Variants in MBOAT1 observed in about 807,000 individuals in gnomAD.
MBOAT1 encodes the protein membrane-bound glycerophospholipid O-acyltransferase 1.
In MBOAT1, 67 loss-of-function variants were observed where a neutral mutation model predicts 64.4. The ratio of observed to expected loss-of-function variants is 1.04; its 90% CI spans 0.85 to 1.27. The LOEUF (loss-of-function observed/expected upper bound fraction) is 1.27, where lower values mean the gene tolerates loss of function less well. MBOAT1 is among the 50% of genes most tolerant of loss of function. The probability of loss-of-function intolerance (pLI) is 0.00; values close to 1 mark genes in which losing one functional copy is unlikely to be tolerated. For missense variants in MBOAT1, 563 were observed against 604.6 expected, an observed-to-expected ratio of 0.93 and a Z score of 0.72; for synonymous variants, 229 against 218.9, an observed-to-expected ratio of 1.05 and a Z score of -0.41.
At chr6:20,145,145 T>C (rs1761294362) in intron 3 of MBOAT1, among the ~76,000 whole-genome samples, 1 of 152,108 alleles carries the variant, frequency 6.6e-6, no homozygotes, top group South Asian at 2.1e-4. Flanking sequence ...CATTAGGAGG[T>C]GGGACCTTTG....
chr6:20,144,468 A>G (rs901335853), intron 3 of MBOAT1, among the ~76,000 whole-genome samples, 153 bp from the exon 4 acceptor site: 4 of 151,642 alleles, frequency 2.6e-5, no homozygotes, highest in Admixed American at 2.6e-4. Flanking sequence ...TCCACCCACT[A>G]CTCTAGCTGA....
chr6:20,116,977 T>G (rs1760339531), intron 9 of MBOAT1, among the ~76,000 whole-genome samples: 1 of 152,166 alleles, frequency 6.6e-6, no homozygotes, highest in Admixed American at 6.5e-5. Flanking sequence ...CATAACACAC[T>G]TGAACTCTCT....
At chr6:20,143,646 C>T (rs2184336) in intron 4 of MBOAT1, among the ~76,000 whole-genome samples, 33,173 of 152,016 alleles carry the variant, frequency 0.22, 4,392 homozygotes, top group East Asian at 0.48. Flanking sequence ...GAAGAATAAC[C>T]AATGGGTACT....
intron 1 of MBOAT1, among the ~76,000 whole-genome samples, chr6:20,162,453 T>C (rs1460638438): frequency 6.6e-6 from 1 of 152,168 alleles, no homozygotes; most frequent in East Asian, 1.9e-4. Context: ...TGTTAACCTA[T>C]AATGGGTACA....
intron 1 of MBOAT1, among the ~76,000 whole-genome samples, chr6:20,156,790 TC>T (rs1319869049): frequency 1.3e-5 from 2 of 152,194 alleles, no homozygotes; most frequent in African/African-American, 4.8e-5. Flanking sequence ...TGATTTTGTA[TC>T]CTGAAACTTT....
In MBOAT1 at chr6:20,166,357, G is replaced by A. The variant is rs558243398; in HGVS notation, c.100-13588C>T. 2.6e-4 allele frequency among the ~76,000 whole-genome samples: 39 copies of A among 152,110 alleles called. 1 individual carries two copies. The highest frequency in any genetic ancestry group is 8.7e-4 in the African/African-American group (36 of 41,496). On this transcript the variant is annotated intron_variant, in intron 1 of 12. Transcript: ENST00000324607. ...CTCCATTCCCTAGGAGGGAAAATACGGAAGGAACATTTCCCCTTTTTCTCC... is the reference window on the plus strand; with the variant it reads ...CTCCATTCCCTAGGAGGGAAAATACAGAAGGAACATTTCCCCTTTTTCTCC...
At chr6:20,161,520 T>C (rs1208971742) in intron 1 of MBOAT1, among the ~76,000 whole-genome samples, 1 of 152,070 alleles carries the variant, frequency 6.6e-6, no homozygotes, top group Admixed American at 6.6e-5. Flanking sequence ...CTCATTGATA[T>C]TGTGTCTCAT....
chr6:20,192,882 T>C (rs1762842000), intron 1 of MBOAT1, among the ~76,000 whole-genome samples: 1 of 151,738 alleles, frequency 6.6e-6, no homozygotes, highest in African/African-American at 2.4e-5. Flanking sequence ...TTTTCCCCAT[T>C]ACCATAGCAA....
In MBOAT1 at chr6:20,105,493, A is replaced by G. The variant is rs934472064; in HGVS notation, c.1362-3081T>C. ...AAATTCTAACGTTCTGGCCAGGCGC[A>G]GTGGCTCAGGCCTGTAATCCCAGCA... On this transcript the variant is annotated intron_variant, in intron 12 of 12. Coordinates refer to ENST00000324607, the MANE Select transcript of MBOAT1 (RefSeq NM_001080480.3). Among the ~76,000 whole-genome samples, 10 of 152,210 alleles carry G rather than the reference A, an allele frequency of 6.6e-5. 1 individual carries two copies. Among genetic ancestry groups the G allele is most frequent in the African/African-American group, 2.4e-4 (10 of 41,442 alleles).
rs540939502 is a variant in MBOAT1, at chr6:20,170,757, G to A, written c.100-17988C>T. Among the ~76,000 whole-genome samples the A allele has an allele frequency of 4.6e-5, 7 of 152,262 alleles. No individual in the cohort carries two copies. The East Asian group carries it at 7.7e-4, about 17-fold the overall frequency. On this transcript the variant is annotated intron_variant, in intron 1 of 12. Coordinates refer to ENST00000324607, the MANE Select transcript of MBOAT1 (RefSeq NM_001080480.3). ...TGCTGTGGGAACACGCTCAGCTTCT[G>A]CAGTCACAGCACTTCTCACTCTGTA...
At chr6:20,106,282 A>G (rs1275443273) in intron 12 of MBOAT1, among the ~76,000 whole-genome samples, 1 of 152,242 alleles carries the variant, frequency 6.6e-6, no homozygotes, top group Non-Finnish European at 1.5e-5. Flanking sequence ...GGCTGTTAAA[A>G]TTCTAATTAA....
In MBOAT1 at chr6:20,112,876, C is replaced by T. The variant is rs554345160; in HGVS notation, c.1209G>A (p.Ala403=). Residue 403 remains alanine, a splice_region_variant and synonymous_variant, in exon 11 of 13, where the codon GCG becomes GCA. Coordinates refer to ENST00000324607, the MANE Select transcript of MBOAT1 (RefSeq NM_001080480.3). Reference sequence around the variant, plus strand: ...GACCCTAGGCCTAAAGCACACTTACCGCTCTAGCTGCTAATGTGACAAGAA... The same window carrying T: ...GACCCTAGGCCTAAAGCACACTTACTGCTCTAGCTGCTAATGTGACAAGAA... ...TGILVTLAAR[A]VRNNYRHYFL... is the part of the protein sequence containing the mutation. 108 of 1,612,718 alleles carry T rather than the reference C, an allele frequency of 6.7e-5. No homozygotes were observed. Among genetic ancestry groups the T allele is most frequent in the African/African-American group, 2.3e-4 (17 of 74,988 alleles).
At chr6:20,127,737 T>C (rs1451676038) in intron 6 of MBOAT1, among the ~76,000 whole-genome samples, 1 of 152,110 alleles carries the variant, frequency 6.6e-6, no homozygotes, top group African/African-American at 2.4e-5. Context: ...TACATTATGG[T>C]GAGTTGTATA....
intron 1 of MBOAT1, among the ~76,000 whole-genome samples, chr6:20,156,875 A>C (rs1761705056): frequency 6.6e-6 from 1 of 152,194 alleles, no homozygotes. Flanking sequence ...GACAAATGGG[A>C]TCTAATTAAA....
intron 1 of MBOAT1, among the ~76,000 whole-genome samples, chr6:20,203,246 C>T (rs1222711861): frequency 6.6e-6 from 1 of 151,948 alleles, no homozygotes; most frequent in Admixed American, 6.6e-5. Context: ...TGATTTTAGA[C>T]TGCTAAAGGA....
chr6:20,210,591 C>G (rs1436514929), intron 1 of MBOAT1, among the ~76,000 whole-genome samples: 1 of 149,990 alleles, frequency 6.7e-6, no homozygotes, highest in Admixed American at 6.6e-5. Flanking sequence ...CCCTCCCTCC[C>G]TCCCTCCCTC....
At chr6:20,174,174 G>A (rs1341751745) in intron 1 of MBOAT1, among the ~76,000 whole-genome samples, 3 of 152,116 alleles carry the variant, frequency 2.0e-5, no homozygotes, top group Non-Finnish European at 4.4e-5. Flanking sequence ...GAAACATAGC[G>A]GTTCATTACT....
intron 6 of MBOAT1, 60 bp downstream of exon 6, chr6:20,128,639 G>T: frequency 1.6e-6 from 2 of 1,268,474 alleles, no homozygotes; most frequent in South Asian, 1.4e-5. Context: ...TTTAAATGAG[G>T]AAAATCTCTA....
intron 1 of MBOAT1, among the ~76,000 whole-genome samples, chr6:20,211,789 G>A (rs1444878432): frequency 6.6e-6 from 1 of 152,014 alleles, no homozygotes; most frequent in African/African-American, 2.4e-5. Context: ...AACGACTTGA[G>A]GACACTGATG....
Sources: allele counts gnomAD v4.1 joint callset (sites outside exome capture counted in the v4.1 genomes callset), GRCh38; gene constraint gnomAD v4.1.1; transcripts MANE v1.5; gene names NCBI Gene and HGNC (gene_info 2026-07-23, HGNC 2026-07-21).